TET1: variants seen among roughly 807,000 people sequenced by gnomAD.
TET1 encodes tet methylcytosine dioxygenase 1.
TET1 carries 13 observed loss-of-function variants against 148.7 expected under a neutral mutation model. The ratio of observed to expected loss-of-function variants is 0.09; its 90% CI spans 0.06 to 0.14. The LOEUF is 0.14. Ranked by LOEUF, TET1 falls within the 10% of genes least tolerant of loss-of-function variation. The pLI is 1.00. For synonymous variants in TET1, 907 were observed against 937.2 expected (o/e 0.97, Z 0.59); for missense variants, 2,182 against 2,553.8 (o/e 0.85, Z 3.14).
chr10:68,566,620 T>A (rs1462806857), intron 1 of TET1, among the ~76,000 whole-genome samples: 3 of 152,142 alleles, frequency 2.0e-5, no homozygotes, highest in African/African-American at 7.2e-5. Context: ...TTTGATGTTA[T>A]CACTAATGTC....
chr10:68,569,479 C>G (rs902681011), intron 1 of TET1, among the ~76,000 whole-genome samples: 1 of 152,110 alleles, frequency 6.6e-6, no homozygotes, highest in Non-Finnish European at 1.5e-5. Flanking sequence ...TGGCCAGTTT[C>G]TTACCTTATA....
chr10:68,573,305 C>T lies in TET1; in HGVS notation c.967C>T (p.Pro323Ser). ...CTTGGCTCTTGGTGGGTCTACGTCTCCTACCTCTGTAATAAAATTCCTCTT... is the reference window on the plus strand; with the variant it reads ...CTTGGCTCTTGGTGGGTCTACGTCTTCTACCTCTGTAATAAAATTCCTCTT... ...NCLALGGSTS[P>S]TSVIKFLLAG... The change falls in exon 2 of 12, where the codon CCT becomes TCT. Residue 323 changes from proline (P) to serine (S), a missense_variant. Physicochemically the swap from Pro to Ser is moderately conservative, Grantham distance 74. Transcript: ENST00000373644. The T allele has an allele frequency of 6.2e-7, 1 of 1,614,038 alleles. No individual in the cohort carries two copies. Among genetic ancestry groups the T allele is most frequent in the Non-Finnish European group, 8.5e-7 (1 of 1,180,026 alleles).
chr10:68,583,439 G>GA (rs35787829), intron 2 of TET1, among the ~76,000 whole-genome samples: 11,504 of 152,160 alleles, frequency 0.076, 694 homozygotes, highest in South Asian at 0.2. Flanking sequence ...CCTTGACAAT[G>GA]AGACCCAGTG....
At chr10:68,561,461 A>T (rs922635676) in intron 1 of TET1, among the ~76,000 whole-genome samples, 2 of 152,130 alleles carry the variant, frequency 1.3e-5, no homozygotes, top group South Asian at 4.1e-4. Flanking sequence ...GCATTTAAGA[A>T]ACTCATTTAT....
At chr10:68,586,050 C>A (rs1264956089) in intron 2 of TET1, among the ~76,000 whole-genome samples, 1 of 151,844 alleles carries the variant, frequency 6.6e-6, no homozygotes, top group Non-Finnish European at 1.5e-5. Context: ...TGTTCTGTCC[C>A]CAGGCTAAGC....
Position 68,667,218 on chromosome 10 carries a change from T to C in TET1, c.4635T>C (p.Asn1545=), listed in dbSNP as rs747973648. 9 of 1,613,856 alleles carry C rather than the reference T, an allele frequency of 5.6e-6. No homozygotes were observed. The African/African-American group carries it at 1.2e-4, about 22-fold the overall frequency. The change falls in exon 7 of 12, where the codon AAT becomes AAC. Residue 1545 remains asparagine, a synonymous_variant. Transcript: ENST00000373644. ...TCACAGAGAATCTAAAGTCATACAA[T>C]GGGCACCCTACCGACAGAAGATGCA... is the stretch of plus-strand genomic sequence containing the variant. ...TELTENLKSY[N]GHPTDRRCTL...
intron 3 of TET1, among the ~76,000 whole-genome samples, chr10:68,605,044 G>A (rs2054104588): frequency 6.6e-6 from 1 of 152,176 alleles, no homozygotes; most frequent in African/African-American, 2.4e-5. Context: ...ATAAAGAAAT[G>A]TCAGTGGATA....
chr10:68,664,293 C>T (rs1255017375), intron 6 of TET1, among the ~76,000 whole-genome samples: 1 of 151,512 alleles, frequency 6.6e-6, no homozygotes, highest in Non-Finnish European at 1.5e-5. Flanking sequence ...TATGTTGTGT[C>T]GTATATATTA....
At position 68,658,335 on chromosome 10, in the gene TET1, C is replaced by T. The variant is rs1463794820; in HGVS notation, c.4461+5741C>T. On this transcript the variant is annotated intron_variant, in intron 6 of 11. Coordinates refer to ENST00000373644, the MANE Select transcript of TET1 (RefSeq NM_030625.3). Reference sequence around the variant, plus strand: ...CAAGTGATTTTCCTGCCTCAGCCTTCACCATGTTGCCCAGGCTGGTCTCAA... The same window carrying T: ...CAAGTGATTTTCCTGCCTCAGCCTTTACCATGTTGCCCAGGCTGGTCTCAA... Among the ~76,000 whole-genome samples, 3 of 152,090 alleles carry T rather than the reference C, an allele frequency of 2.0e-5. No homozygotes were observed. The East Asian group carries it at 5.8e-4, about 29-fold the overall frequency.
Position 68,646,556 on chromosome 10 carries a change from C to T in TET1, c.3827C>T (p.Ala1276Val). 1 of 1,614,170 alleles carries T rather than the reference C, an allele frequency of 6.2e-7. No individual in the cohort carries two copies. Among genetic ancestry groups the T allele is most frequent in the Middle Eastern group, 1.6e-4 (1 of 6,062 alleles). ...CTTAAAACGGAATCCAACGGGAAGGCATTCACTGATAAAGCTTATAATTCT... is the reference window on the plus strand; with the variant it reads ...CTTAAAACGGAATCCAACGGGAAGGTATTCACTGATAAAGCTTATAATTCT... ...FHLKTESNGK[A>V]FTDKAYNSQV... Residue 1276 changes from alanine to valine, a missense_variant, in exon 4 of 12, where the codon GCA (alanine) becomes GTA (valine). Physicochemically the swap from Ala to Val is moderately conservative, Grantham distance 64 (BLOSUM62 0). This residue lies in a region of TET1 where 582 missense variants were observed against 599.5 expected (regional missense o/e 0.97). Transcript: ENST00000373644.
chr10:68,571,083 T>C (rs1355781768), intron 1 of TET1, among the ~76,000 whole-genome samples: 3 of 151,018 alleles, frequency 2.0e-5, no homozygotes, highest in East Asian at 1.9e-4. Context: ...CTCCGTCTCC[T>C]GGGTTCAAGA....
intron 1 of TET1, among the ~76,000 whole-genome samples, chr10:68,571,628 G>C (rs201611799): frequency 6.6e-6 from 1 of 151,652 alleles, no homozygotes; most frequent in East Asian, 2.0e-4. Context: ...TCAAACTCCT[G>C]ACCTCATGAT....
At chr10:68,640,168 C>G (rs1481460065) in intron 3 of TET1, among the ~76,000 whole-genome samples, 1 of 151,428 alleles carries the variant, frequency 6.6e-6, no homozygotes, top group East Asian at 2.0e-4. Flanking sequence ...CTCAGGTGAT[C>G]CGCCTGCCTC....
intron 11 of TET1, among the ~76,000 whole-genome samples, chr10:68,689,693 C>T (rs954998557): frequency 6.6e-5 from 10 of 151,770 alleles, no homozygotes; most frequent in South Asian, 6.2e-4. Flanking sequence ...GCGGGGGAAT[C>T]GCTTGAACCT....
In TET1 at chr10:68,573,290, G is replaced by T. The variant is rs142945297; in HGVS notation, c.952G>T (p.Gly318Cys). The change falls in exon 2 of 12, where the codon GGT becomes TGT. Residue 318 changes from glycine (G) to cysteine (C), a missense_variant. This residue lies in a region of TET1 where 665 missense variants were observed against 672.4 expected (regional missense o/e 0.99). Coordinates refer to ENST00000373644, the MANE Select transcript of TET1 (RefSeq NM_030625.3). Reference protein sequence around the residue: ...DLNLRNCLALGGSTSPTSVIK... With the variant: ...DLNLRNCLALCGSTSPTSVIK... Reference sequence around the variant, plus strand: ...GAACCTTAGAAACTGCTTGGCTCTTGGTGGGTCTACGTCTCCTACCTCTGT... The same window carrying T: ...GAACCTTAGAAACTGCTTGGCTCTTTGTGGGTCTACGTCTCCTACCTCTGT... 21 of 1,613,880 alleles carry T rather than the reference G, an allele frequency of 1.3e-5. No individual in the cohort carries two copies. In the South Asian group the frequency reaches 1.5e-4, roughly 12 times the overall value.
chr10:68,658,051 C>T (rs12255974), intron 6 of TET1, among the ~76,000 whole-genome samples: 9,787 of 152,132 alleles, frequency 0.064, 1,053 homozygotes, highest in African/African-American at 0.22. Flanking sequence ...TACTTTTCAT[C>T]TTGGATAGTG....
chr10:68,597,550 G>A (rs2054002925), intron 2 of TET1, among the ~76,000 whole-genome samples: 1 of 152,168 alleles, frequency 6.6e-6, no homozygotes, highest in Non-Finnish European at 1.5e-5. Context: ...GGCTGCTATG[G>A]TAAACAATTT....
At position 68,671,633 on chromosome 10, in the gene TET1, T is replaced by A. The variant is rs189658455; in HGVS notation, c.4674-1262T>A. ...GAATATATGGTACTTTCGTTGTCATTCTTAGCATATAGTTTAGTTTAAGGC... is the reference window on the plus strand; with the variant it reads ...GAATATATGGTACTTTCGTTGTCATACTTAGCATATAGTTTAGTTTAAGGC... On this transcript the variant is annotated intron_variant, in intron 7 of 11. Coordinates refer to ENST00000373644, the MANE Select transcript of TET1 (RefSeq NM_030625.3). Among the ~76,000 whole-genome samples, 15 of 152,370 alleles carry A rather than the reference T, an allele frequency of 9.8e-5. No individual in the cohort carries two copies. The East Asian group carries it at 2.7e-3, about 27-fold the overall frequency.
chr10:68,655,266 C>G (rs886108737), intron 6 of TET1, among the ~76,000 whole-genome samples: 1 of 152,176 alleles, frequency 6.6e-6, no homozygotes, highest in Non-Finnish European at 1.5e-5. Flanking sequence ...AATTTTCTTG[C>G]TTTCCACCTT....
Sources: allele counts gnomAD v4.1 joint callset (sites outside exome capture counted in the v4.1 genomes callset), GRCh38; gene constraint gnomAD v4.1.1; regional missense constraint gnomAD v4.1.1; transcripts MANE v1.5; gene names NCBI Gene and HGNC (gene_info 2026-07-23, HGNC 2026-07-21).